IL1RAPL2: variants seen among roughly 807,000 people sequenced by gnomAD.
IL1RAPL2 encodes interleukin 1 receptor accessory protein like 2.
A neutral mutation model predicts 44.1 loss-of-function variants in IL1RAPL2; 3 were observed. The ratio of observed to expected loss-of-function variants is 0.07; its 90% CI spans 0.03 to 0.18. The LOEUF is 0.18. Among genes scored for constraint, IL1RAPL2 ranks in the 10% least tolerant of loss-of-function variants. The pLI, the probability that IL1RAPL2 is intolerant of heterozygous loss-of-function variation, is 1.00. For synonymous variants in IL1RAPL2, 181 were observed against 178.8 expected, an observed-to-expected ratio of 1.01 and a Z score of -0.10; for missense variants, 391 against 496.4, an observed-to-expected ratio of 0.79 and a Z score of 2.02.
intron 6 of IL1RAPL2, among the ~76,000 whole-genome samples, chrX:105,662,562 CTCTT>C (rs1163113955): frequency 4.5e-5 from 5 of 112,155 alleles, no homozygotes; most frequent in Non-Finnish European, 9.4e-5. Flanking sequence ...TAGTTCCTCT[CTCTT>C]AGAGTATGGG....
chrX:105,236,589 T>C (rs1247294389), intron 4 of IL1RAPL2, among the ~76,000 whole-genome samples: 1 of 111,422 alleles, frequency 9.0e-6, no homozygotes, highest in African/African-American at 3.3e-5. Flanking sequence ...TGACTTGCAG[T>C]TTGGCTACTA....
intron 2 of IL1RAPL2, among the ~76,000 whole-genome samples, chrX:104,938,094 T>G (rs1321639382): frequency 2.7e-5 from 3 of 112,542 alleles, no homozygotes; most frequent in Non-Finnish European, 5.6e-5. Flanking sequence ...TTGAAAAGGT[T>G]TAAACAGTAA....
At chrX:105,070,076 T>C (rs1018456268) in intron 2 of IL1RAPL2, among the ~76,000 whole-genome samples, 3 of 112,057 alleles carry the variant, frequency 2.7e-5, no homozygotes, top group Non-Finnish European at 5.6e-5. Flanking sequence ...GAAGAGACTA[T>C]TTTGCTCATT....
chrX:105,395,461 G>A (rs1025383812), intron 5 of IL1RAPL2, among the ~76,000 whole-genome samples: 2 of 110,386 alleles, frequency 1.8e-5, no homozygotes, highest in African/African-American at 6.6e-5. Flanking sequence ...AGGAAGAGAT[G>A]ATTTATTTCG....
chrX:105,590,839 G>GTGTT (rs1569456757), intron 6 of IL1RAPL2, among the ~76,000 whole-genome samples: 4 of 103,525 alleles, frequency 3.9e-5, no homozygotes, highest in African/African-American at 1.6e-4. Context: ...GTGTGTGTGT[G>GTGTT]TGTGTGTGTT....
chrX:105,160,315 C>T (rs1200079034), intron 2 of IL1RAPL2, among the ~76,000 whole-genome samples: 9 of 110,533 alleles, frequency 8.1e-5, no homozygotes, highest in African/African-American at 2.6e-4. Context: ...TTCTACAGCC[C>T]AATACAAGCA....
chrX:105,152,210 A>G (rs1187121547), intron 2 of IL1RAPL2, among the ~76,000 whole-genome samples: 1 of 111,794 alleles, frequency 8.9e-6, no homozygotes, highest in East Asian at 2.8e-4. Flanking sequence ...ATTACACGAA[A>G]AAGTCTTATT....
intron 2 of IL1RAPL2, among the ~76,000 whole-genome samples, chrX:104,809,952 GAC>G (rs1602738371): frequency 9.0e-6 from 1 of 110,991 alleles, no homozygotes; most frequent in East Asian, 2.8e-4. Flanking sequence ...CTGCTATAAA[GAC>G]ACATGCACAC....
chrX:104,670,022 T>C lies in IL1RAPL2; in HGVS notation c.82+11027T>C, dbSNP rs1930563375. Among the ~76,000 whole-genome samples, 3 of 111,791 alleles carry C rather than the reference T, an allele frequency of 2.7e-5. No homozygotes were observed. The Admixed American group carries it at 2.9e-4, about 11-fold the overall frequency. On this transcript the variant is annotated intron_variant, in intron 2 of 10. Coordinates refer to ENST00000372582, the MANE Select transcript of IL1RAPL2 (RefSeq NM_017416.2). The stretch of plus-strand genomic sequence containing the variant: ...TAAACTACCTGTATTAGTCAGAGTT[T>C]TCCAGAGGGAAAGAACTAATAGGAT...
chrX:105,351,699 C>T (rs917213432), intron 5 of IL1RAPL2, among the ~76,000 whole-genome samples: 2 of 110,362 alleles, frequency 1.8e-5, no homozygotes, highest in Non-Finnish European at 3.8e-5. Flanking sequence ...TTGATGGGTG[C>T]AGCAAACCAC....
At chrX:105,125,430 C>T (rs937222857) in intron 2 of IL1RAPL2, among the ~76,000 whole-genome samples, 18 of 110,879 alleles carry the variant, frequency 1.6e-4, no homozygotes, top group Non-Finnish European at 3.4e-4. Flanking sequence ...TAACTCTTTA[C>T]TAATTCTGTC....
At chrX:105,028,325 A>C (rs992858493) in intron 2 of IL1RAPL2, among the ~76,000 whole-genome samples, 2 of 111,315 alleles carry the variant, frequency 1.8e-5, no homozygotes, top group Non-Finnish European at 3.8e-5. Flanking sequence ...AAATAACTAC[A>C]AGACTGTAAT....
intron 4 of IL1RAPL2, among the ~76,000 whole-genome samples, chrX:105,258,885 A>G (rs956218275): frequency 7.2e-5 from 8 of 111,737 alleles, no homozygotes; most frequent in African/African-American, 2.3e-4. Flanking sequence ...CTCAATCTCA[A>G]TGATCTTTGT....
chrX:104,685,234 C>A lies in IL1RAPL2; in HGVS notation c.82+26239C>A, dbSNP rs1039974772. Among the ~76,000 whole-genome samples, 4 of 112,111 alleles carry A rather than the reference C, an allele frequency of 3.6e-5. No homozygotes were observed. The Admixed American group carries it at 3.8e-4, about 11-fold the overall frequency. On this transcript the variant is annotated intron_variant, in intron 2 of 10. Transcript: ENST00000372582. ...ACCTTGAAAGTCCACTCAGGCATTA[C>A]CCCTATCCTCTTCTTTCAAGACTTC...
intron 2 of IL1RAPL2, among the ~76,000 whole-genome samples, chrX:105,134,353 C>T (rs2033056195): frequency 1.8e-5 from 2 of 112,022 alleles, no homozygotes; most frequent in South Asian, 7.4e-4. Flanking sequence ...TCTTCCTTAC[C>T]CCATGTTATT....
intron 3 of IL1RAPL2, chrX:105,219,741 A>G: frequency 8.3e-7 from 1 of 1,202,808 alleles, no homozygotes; most frequent in Non-Finnish European, 1.1e-6. Context: ...GCTCCCACTC[A>G]TGGGGAGACA....
Position 104,804,274 on chromosome X carries a change from C to T in IL1RAPL2, c.82+145279C>T, listed in dbSNP as rs1435685164. The T allele has an allele frequency of 9.9e-5, 11 of 111,083 alleles. No homozygotes were observed. In the Admixed American group the frequency reaches 1.1e-3, roughly 11 times the overall value. The allele number at this position is 111,083 out of a possible 1,213,427, so 9.2% of individuals were successfully genotyped here. A position where few individuals can be genotyped will look rare whatever the true frequency, so the allele number is the denominator to read the frequency against. The stretch of plus-strand genomic sequence containing the variant: ...TGGGTGCCCAGCAATGTGGTTGGGC[C>T]CACTGGATCCAGATTGTGAAGGTAG... On this transcript the variant is annotated intron_variant, in intron 2 of 10. Coordinates refer to ENST00000372582, the MANE Select transcript of IL1RAPL2 (RefSeq NM_017416.2).
chrX:105,703,768 T>C (rs1270766325), intron 6 of IL1RAPL2, among the ~76,000 whole-genome samples: 1 of 112,220 alleles, frequency 8.9e-6, no homozygotes, highest in Non-Finnish European at 1.9e-5. Flanking sequence ...AGAATCTTGG[T>C]GGGTATCAAA....
chrX:105,735,718 G>A (rs181541907), intron 7 of IL1RAPL2, among the ~76,000 whole-genome samples: 7 of 111,208 alleles, frequency 6.3e-5, no homozygotes, highest in East Asian at 5.7e-4. Flanking sequence ...TGTGTACATC[G>A]TGTCTCCTCA....
Sources: gnomAD v4.1 joint callset for allele counts (sites outside exome capture counted in the v4.1 genomes callset) on GRCh38, gnomAD v4.1.1 for gene constraint, MANE v1.5 for transcripts, NCBI Gene and HGNC (gene_info 2026-07-23, HGNC 2026-07-21) for gene names.